The following DTWD2 variants were observed in gnomAD, a reference collection of about 807,000 sequenced individuals.
DTWD2 encodes tRNA-uridine aminocarboxypropyltransferase 2.
In DTWD2, 39 loss-of-function variants were observed where a neutral mutation model predicts 31.8. The observed-to-expected ratio is 1.22, with a 90% confidence interval of 0.95 to 1.60. DTWD2 has a LOEUF of 1.60. DTWD2 is among the 40% of genes most tolerant of loss of function. The pLI is 0.00. For missense variants in DTWD2, 515 were observed against 381.5 expected (o/e 1.35, Z -2.92); for synonymous variants, 180 against 142.8 (o/e 1.26, Z -1.86).
chr5:118,945,833 C>T (rs974119857), intron 1 of DTWD2, among the ~76,000 whole-genome samples: 1 of 148,946 alleles, frequency 6.7e-6, no homozygotes, highest in Non-Finnish European at 1.5e-5. Flanking sequence ...TGGCCAGATC[C>T]CAGATATGGG....
At chr5:118,926,749 G>A (rs538815294) in intron 4 of DTWD2, among the ~76,000 whole-genome samples, 1 of 152,060 alleles carries the variant, frequency 6.6e-6, no homozygotes, top group Admixed American at 6.5e-5. Flanking sequence ...CTGGCACCCA[G>A]GCTGGAGTGC....
intron 1 of DTWD2, among the ~76,000 whole-genome samples, chr5:118,946,860 C>T: frequency 6.6e-6 from 1 of 152,150 alleles, no homozygotes; most frequent in East Asian, 1.9e-4. Context: ...CGTGTCTCAC[C>T]CTCCTGAATA....
chr5:118,908,704 A>G (rs922319985), intron 4 of DTWD2, among the ~76,000 whole-genome samples: 1 of 152,110 alleles, frequency 6.6e-6, no homozygotes, highest in Non-Finnish European at 1.5e-5. Context: ...AAAATGAACA[A>G]AAGTAATAGA....
At chr5:118,931,273 T>C (rs972158354) in intron 3 of DTWD2, among the ~76,000 whole-genome samples, 1 of 151,878 alleles carries the variant, frequency 6.6e-6, no homozygotes, top group Non-Finnish European at 1.5e-5. Flanking sequence ...CGTGCACCTA[T>C]GGTCCCAGCT....
intron 1 of DTWD2, among the ~76,000 whole-genome samples, chr5:118,964,119 A>G (rs1377598864): frequency 1.3e-5 from 2 of 151,682 alleles, no homozygotes; most frequent in Non-Finnish European, 2.9e-5. Context: ...CTGAGGCAGG[A>G]GAATCACTTG....
chr5:118,951,178 C>A (rs1265477841), intron 1 of DTWD2, among the ~76,000 whole-genome samples: 1 of 152,094 alleles, frequency 6.6e-6, no homozygotes, highest in East Asian at 1.9e-4. Flanking sequence ...TGGGGAAGGG[C>A]TAGTCACAGA....
intron 1 of DTWD2, among the ~76,000 whole-genome samples, chr5:118,982,686 C>CTTTT (rs56102830): frequency 1.5e-4 from 18 of 121,128 alleles, no homozygotes; most frequent in Non-Finnish European, 1.9e-4. Context: ...AGTTTGTTTT[C>CTTTT]TTTTTTTTTT....
chr5:118,946,436 T>C (rs1429160461), intron 1 of DTWD2, among the ~76,000 whole-genome samples: 1 of 152,120 alleles, frequency 6.6e-6, no homozygotes, highest in Non-Finnish European at 1.5e-5. Context: ...CCTCACTCAG[T>C]AGAAACAGGA....
At chr5:118,921,967 G>A (rs981023601) in intron 4 of DTWD2, among the ~76,000 whole-genome samples, 3 of 152,196 alleles carry the variant, frequency 2.0e-5, no homozygotes, top group Admixed American at 6.5e-5. Flanking sequence ...TCCCAACAGC[G>A]CTCTGCTTAT....
At chr5:118,852,571 T>C (rs1048442723) in intron 4 of DTWD2, among the ~76,000 whole-genome samples, 2 of 152,096 alleles carry the variant, frequency 1.3e-5, no homozygotes, top group Non-Finnish European at 2.9e-5. Flanking sequence ...AAATAGCAGA[T>C]GCTAGGAAGA....
chr5:118,836,655 A>T lies in DTWD2; in HGVS notation c.*4262T>A, dbSNP rs1751576311. Among the ~76,000 whole-genome samples the T allele has an allele frequency of 6.6e-6, 1 of 152,234 alleles. No homozygotes were observed. Among genetic ancestry groups the T allele is most frequent in the Admixed American group, 6.5e-5 (1 of 15,284 alleles). ...GTGTCCCCACAAAACTCACAGGTTGAAACCTTAATTCCCGAGGTATAGTAT... is the reference window on the plus strand; with the variant it reads ...GTGTCCCCACAAAACTCACAGGTTGTAACCTTAATTCCCGAGGTATAGTAT... On this transcript the variant is annotated 3_prime_UTR_variant, in exon 6 of 6. Coordinates refer to ENST00000510708, the MANE Select transcript of DTWD2 (RefSeq NM_173666.4).
intron 3 of DTWD2, 46 bp from the exon 4 acceptor site, chr5:118,928,775 A>T (rs771522082): frequency 4.9e-6 from 7 of 1,424,162 alleles, no homozygotes; most frequent in Non-Finnish European, 6.5e-6. Flanking sequence ...TTGTGAGGAA[A>T]AAAGGTTTTA....
chr5:118,944,455 T>C (rs538035689), intron 2 of DTWD2, 104 bp downstream of exon 2: 1 of 1,205,898 alleles, frequency 8.3e-7, no homozygotes, highest in Admixed American at 2.3e-5. Flanking sequence ...ACCAACTTCT[T>C]TTCAGAAATG....
Position 118,848,126 on chromosome 5 carries a change from A to G in DTWD2, c.690T>C (p.Ala230=), listed in dbSNP as rs1474799064. 1.3e-6 allele frequency: 2 copies of G among 1,588,690 alleles called. No homozygotes were observed. Among genetic ancestry groups the G allele is most frequent in the South Asian group, 2.3e-5 (2 of 85,760 alleles). Residue 230 remains alanine, a synonymous_variant, in exon 5 of 6, where the codon GCT becomes GCC. Transcript: ENST00000510708. ...CLSTLECAAV[A]LSILEKNNYI... Reference sequence around the variant, plus strand: ...AATTATTTTTCTCCAAGATGGAAAGAGCAACAGCTGCACACTCCAGTGTAG... The same window carrying G: ...AATTATTTTTCTCCAAGATGGAAAGGGCAACAGCTGCACACTCCAGTGTAG...
chr5:118,861,000 C>T (rs943172825), intron 4 of DTWD2, among the ~76,000 whole-genome samples: 2 of 152,038 alleles, frequency 1.3e-5, no homozygotes, highest in Non-Finnish European at 2.9e-5. Flanking sequence ...ATAGTTAAGT[C>T]AGGATGAGAA....
rs116934794 is a variant in DTWD2, at chr5:118,968,434, G to A, written c.218+19860C>T. On this transcript the variant is annotated intron_variant, in intron 1 of 5. Transcript: ENST00000510708. ...CAAATGAAATTCTGAACCTTCAACT[G>A]AGGTATCCAGGTTCTCACACTGGGA... Among the ~76,000 whole-genome samples the A allele has an allele frequency of 3.8e-3, 580 of 152,294 alleles. 32 individuals are homozygous for A. The East Asian group carries it at 0.089, about 23-fold the overall frequency.
rs546885101 is a variant in DTWD2, at chr5:118,988,527, C to T, written c.-16G>A. The T allele has an allele frequency of 1.3e-6, 2 of 1,504,726 alleles. No homozygotes were observed. Among genetic ancestry groups the T allele is most frequent in the South Asian group, 2.6e-5 (2 of 77,990 alleles). The allele number at this position is 1,504,726 out of a possible 1,614,324, so 93.2% of individuals were successfully genotyped here. ...GCGACTCCATGGCGGACACTCCGGT[C>T]AGGCCGTGGCATTGAAGCCCGGCTG... On this transcript the variant is annotated 5_prime_UTR_variant, in exon 1 of 6. Transcript: ENST00000510708.
chr5:118,964,386 GCCCTCT>G (rs1198729791), intron 1 of DTWD2, among the ~76,000 whole-genome samples: 1 of 151,852 alleles, frequency 6.6e-6, no homozygotes, highest in African/African-American at 2.4e-5. Context: ...CCTCTACTTT[GCCCTCT>G]CCCTCTCCCT....
At chr5:118,858,014 T>G (rs1349358170) in intron 4 of DTWD2, among the ~76,000 whole-genome samples, 1 of 152,218 alleles carries the variant, frequency 6.6e-6, no homozygotes, top group Non-Finnish European at 1.5e-5. Context: ...GTGCTCGTTA[T>G]AACAGTAAAC....
Sources: allele counts gnomAD v4.1 joint callset (sites outside exome capture counted in the v4.1 genomes callset), GRCh38; gene constraint gnomAD v4.1.1; transcripts MANE v1.5; gene names NCBI Gene and HGNC (gene_info 2026-07-23, HGNC 2026-07-21).